MVB12B: variants seen among roughly 807,000 people sequenced by gnomAD.
MVB12B encodes ESCRT-I complex subunit MVB12B.
A neutral mutation model predicts 41.6 loss-of-function variants in MVB12B; 16 were observed. That is an observed-to-expected ratio of 0.38 (90% CI 0.26 to 0.58). The LOEUF is 0.58. Among genes scored for constraint, MVB12B ranks in the 20% least tolerant of loss-of-function variants. The pLI, the probability that MVB12B is intolerant of heterozygous loss-of-function variation, is 0.62. For synonymous variants in MVB12B, 133 were observed against 139.7 expected (o/e 0.95, Z 0.34); for missense variants, 274 against 380.2 (o/e 0.72, Z 2.32).
At chr9:126,430,337 G>A (rs937026685) in intron 7 of MVB12B, among the ~76,000 whole-genome samples, 9 of 151,818 alleles carry the variant, frequency 5.9e-5, no homozygotes, top group Non-Finnish European at 8.8e-5. Context: ...TTTGTCTTGC[G>A]CTATGCTTGC....
At chr9:126,412,495 G>A (rs1191779481) in intron 6 of MVB12B, among the ~76,000 whole-genome samples, 1 of 152,156 alleles carries the variant, frequency 6.6e-6, no homozygotes, top group East Asian at 1.9e-4. Flanking sequence ...TGTCCCTTCA[G>A]CACCAAGCAC....
chr9:126,395,612 A>G lies in MVB12B; in HGVS notation c.577A>G (p.Arg193Gly), dbSNP rs764287029. The change falls in exon 6 of 10, where the codon AGA becomes GGA. Residue 193 changes from arginine to glycine, a missense_variant. Physicochemically the swap from Arg to Gly is moderately radical, Grantham distance 125 (BLOSUM62 -2). Transcript: ENST00000361171. The surrounding 1 kb of genome is among the most constrained non-coding windows in gnomAD (Gnocchi z 4.9). ...CATGGGGATCTGGTATCGAATGGGC[A>G]GAGTACCAAGAAATCATGACTCATC... ...NSMGIWYRMG[R>G]VPRNHDSSQP... The G allele has an allele frequency of 6.2e-7, 1 of 1,614,202 alleles. No homozygotes were observed. Among genetic ancestry groups the G allele is most frequent in the Non-Finnish European group, 8.5e-7 (1 of 1,180,036 alleles).
chr9:126,346,102 G>A (rs1365436352), intron 2 of MVB12B, among the ~76,000 whole-genome samples: 1 of 152,122 alleles, frequency 6.6e-6, no homozygotes, highest in Non-Finnish European at 1.5e-5. Context: ...GGAGTCACTG[G>A]GAGATTTTAA....
rs1198625538 is a variant in MVB12B, at chr9:126,362,178, T to C, written c.205-18886T>C. On this transcript the variant is annotated intron_variant, in intron 2 of 9. Coordinates refer to ENST00000361171, the MANE Select transcript of MVB12B (RefSeq NM_033446.3). ...TTTCATCAAATTTGTAATATTTCTG[T>C]TTATTATTAAAGTATTTCTTGTTCA... Among the ~76,000 whole-genome samples the C allele has an allele frequency of 2.6e-5, 4 of 152,204 alleles. No individual in the cohort carries two copies. The East Asian group carries it at 7.7e-4, about 29-fold the overall frequency.
At chr9:126,447,163 T>TC (rs1363565126) in intron 7 of MVB12B, among the ~76,000 whole-genome samples, 1 of 151,248 alleles carries the variant, frequency 6.6e-6, no homozygotes, top group Non-Finnish European at 1.5e-5. Context: ...CAGGCTGGTC[T>TC]CCAACTCCTG....
chr9:126,405,513 A>G (rs1439186358), intron 6 of MVB12B, among the ~76,000 whole-genome samples: 2 of 152,058 alleles, frequency 1.3e-5, no homozygotes, highest in African/African-American at 4.8e-5. Context: ...ATTTGCAGGT[A>G]GCTCTGTGGA....
chr9:126,366,818 C>G (rs1198158649), intron 2 of MVB12B, among the ~76,000 whole-genome samples: 1 of 152,186 alleles, frequency 6.6e-6, no homozygotes, highest in Non-Finnish European at 1.5e-5. Context: ...CTTCTGACTC[C>G]ACGCAGCCAG....
rs778322972 is a variant in MVB12B, at chr9:126,389,156, C to T, written c.409+2498C>T. Among the ~76,000 whole-genome samples, 23 of 152,082 alleles carry T rather than the reference C, an allele frequency of 1.5e-4. No individual in the cohort carries two copies. Among genetic ancestry groups the T allele is most frequent in the Non-Finnish European group, 3.2e-4 (22 of 68,002 alleles). On this transcript the variant is annotated intron_variant, in intron 4 of 9. Transcript: ENST00000361171. The surrounding 1 kb of genome is among the most constrained non-coding windows in gnomAD (Gnocchi z 4.4). ...CTGTCCCAAGTGTGGACTCTGAGAT[C>T]GGTCCTGGGCCCAATGCCAGGTGCC...
In MVB12B at chr9:126,363,293, G is replaced by T. The variant is rs572206582; in HGVS notation, c.205-17771G>T. Among the ~76,000 whole-genome samples, 22 of 152,230 alleles carry T rather than the reference G, an allele frequency of 1.4e-4. No individual in the cohort carries two copies. In the East Asian group the frequency reaches 4.2e-3, roughly 29 times the overall value. ...CTCCCTTGCTTCCTGGCTGTTCCAT[G>T]ACCCTTTAGATTATGGTTTAGGATG... On this transcript the variant is annotated intron_variant, in intron 2 of 9. Transcript: ENST00000361171.
intron 2 of MVB12B, among the ~76,000 whole-genome samples, chr9:126,341,118 C>T (rs1339189664): frequency 1.3e-5 from 2 of 152,186 alleles, no homozygotes; most frequent in African/African-American, 4.8e-5. Context: ...TAGGAGAACC[C>T]ACGCTCTGAG....
rs924879410 is a variant in MVB12B, at chr9:126,445,420, C to T, written c.757+23472C>T. The stretch of plus-strand genomic sequence containing the variant: ...CTCCCGGGTTCAAGCAATTCTGCCT[C>T]AGCCTCCAAAGTAGCTGGAACTACA... On this transcript the variant is annotated intron_variant, in intron 7 of 9. Coordinates refer to ENST00000361171, the MANE Select transcript of MVB12B (RefSeq NM_033446.3). Among the ~76,000 whole-genome samples, 3 of 152,208 alleles carry T rather than the reference C, an allele frequency of 2.0e-5. No homozygotes were observed. The East Asian group carries it at 5.8e-4, about 29-fold the overall frequency.
chr9:126,330,122 G>C (rs764596015), intron 1 of MVB12B, among the ~76,000 whole-genome samples: 11 of 152,106 alleles, frequency 7.2e-5, no homozygotes, highest in Non-Finnish European at 1.6e-4. Context: ...GCATGCATTT[G>C]GTTTACTTGA....
chr9:126,407,326 A>G (rs538966926), intron 6 of MVB12B, among the ~76,000 whole-genome samples: 2 of 152,278 alleles, frequency 1.3e-5, no homozygotes, highest in South Asian at 4.2e-4. Context: ...TGCCTTGTAC[A>G]ACAGCCAAAA....
rs1026164958 is a variant in MVB12B at position 126,333,196 on chromosome 9, T to C, written c.81+6186T>C. The stretch of plus-strand genomic sequence containing the variant: ...CCGCCACCCAGGTTCAAGTGATTCT[T>C]CTGCCTCAGCCTCCCGAGTAGGTGG... On this transcript the variant is annotated intron_variant, in intron 1 of 9. Coordinates refer to ENST00000361171, the MANE Select transcript of MVB12B (RefSeq NM_033446.3). The surrounding 1 kb of genome is among the most constrained non-coding windows in gnomAD (Gnocchi z 4.7). Among the ~76,000 whole-genome samples, 2 of 152,086 alleles carry C rather than the reference T, an allele frequency of 1.3e-5. No homozygotes were observed. The highest frequency in any genetic ancestry group is 2.9e-5 in the Non-Finnish European group (2 of 68,016).
chr9:126,361,624 T>G (rs1174890773), intron 2 of MVB12B, among the ~76,000 whole-genome samples: 2 of 152,164 alleles, frequency 1.3e-5, no homozygotes, highest in Non-Finnish European at 2.9e-5. Context: ...GGTTTGTTGG[T>G]GATATATTCT....
In MVB12B at chr9:126,499,762, A is replaced by AG. The variant is rs1833913486; in HGVS notation, c.874-3412dup. Among the ~76,000 whole-genome samples, 3 of 141,654 alleles carry AG rather than the reference A, an allele frequency of 2.1e-5. 1 individual carries two copies. Among genetic ancestry groups the AG allele is most frequent in the South Asian group, 4.6e-4 (2 of 4,306 alleles). 92.9% of individuals were successfully genotyped at this position (141,654 alleles called of 152,430 possible). A position where few individuals can be genotyped will look rare whatever the true frequency, so the allele number is the denominator to read the frequency against. On this transcript the variant is annotated intron_variant, in intron 9 of 9. Transcript: ENST00000361171. ...TTTCTCCAGCCAAGATAACCTAAAA[A>AG]GGGAAAAAATCCCGAGGGAGAGAGG...
chr9:126,410,497 G>A (rs541584547), intron 6 of MVB12B, among the ~76,000 whole-genome samples: 214 of 152,258 alleles, frequency 1.4e-3, no homozygotes, highest in African/African-American at 4.9e-3. Flanking sequence ...GTTTACATTA[G>A]AGATGTGTAT....
chr9:126,421,734 A>G, intron 6 of MVB12B, 120 bp from the exon 7 acceptor site: 1 of 745,550 alleles, frequency 1.3e-6, no homozygotes, highest in South Asian at 1.6e-5. Flanking sequence ...GGCGCTGGCC[A>G]GAAGCACCTG....
intron 6 of MVB12B, among the ~76,000 whole-genome samples, chr9:126,397,918 G>A (rs1410976368): frequency 6.6e-6 from 1 of 152,100 alleles, no homozygotes; most frequent in Non-Finnish European, 1.5e-5. Flanking sequence ...TGGGGCTTGT[G>A]CTCCGAGTGC....
Sources: allele counts gnomAD v4.1 joint callset (sites outside exome capture counted in the v4.1 genomes callset), GRCh38; gene constraint gnomAD v4.1.1; non-coding constraint Gnocchi (gnomAD v3.1); transcripts MANE v1.5; gene names NCBI Gene and HGNC (gene_info 2026-07-23, HGNC 2026-07-21).